The following APBB2 variants were observed in gnomAD, a reference collection of about 807,000 sequenced individuals.
APBB2 encodes amyloid beta precursor protein binding family B member 2, also known as Fe65-like 1.
A neutral mutation model predicts 82.5 loss-of-function variants in APBB2; 38 were observed. That is an observed-to-expected ratio of 0.46 (90% CI 0.36 to 0.60). The LOEUF is 0.60. APBB2 is among the 20% of genes least tolerant of loss of function. The pLI is 0.00. For synonymous variants in APBB2, 341 were observed against 368.2 expected, an observed-to-expected ratio of 0.93 and a Z score of 0.85; for missense variants, 772 against 972.3, an observed-to-expected ratio of 0.79 and a Z score of 2.74.
intron 5 of APBB2, among the ~76,000 whole-genome samples, chr4:41,028,016 T>C (rs1715142796): frequency 6.6e-6 from 1 of 152,264 alleles, no homozygotes; most frequent in South Asian, 2.1e-4. Flanking sequence ...ACTGCTGTCA[T>C]TGCTCTCCTG....
At chr4:41,183,109 C>T (rs1771890658) in intron 1 of APBB2, among the ~76,000 whole-genome samples, 1 of 152,190 alleles carries the variant, frequency 6.6e-6, no homozygotes, top group African/African-American at 2.4e-5. Flanking sequence ...CTTACATTCT[C>T]TTTCTCTCTC....
At chr4:41,058,675 G>A (rs62413772) in intron 4 of APBB2, among the ~76,000 whole-genome samples, 27,641 of 152,226 alleles carry the variant, frequency 0.18, 2,844 homozygotes, top group Non-Finnish European at 0.24. Flanking sequence ...AGAGGGATGT[G>A]CAGAGCACCC....
intron 11 of APBB2, chr4:40,890,789 T>C: frequency 3.9e-6 from 1 of 257,802 alleles, no homozygotes; most frequent in Non-Finnish European, 7.4e-6. Flanking sequence ...AAAAGGCTAA[T>C]TGTGGTTTCC....
At chr4:41,150,088 T>C (rs894396271) in intron 1 of APBB2, among the ~76,000 whole-genome samples, 1 of 152,264 alleles carries the variant, frequency 6.6e-6, no homozygotes, top group East Asian at 1.9e-4. Context: ...GCATCATTTT[T>C]CAACTGTTCC....
At chr4:40,876,279 C>T (rs1252124043) in intron 12 of APBB2, among the ~76,000 whole-genome samples, 2 of 152,126 alleles carry the variant, frequency 1.3e-5, no homozygotes, top group Non-Finnish European at 2.9e-5. Context: ...ACAATATGTA[C>T]CTGTGAAACT....
chr4:40,865,545 G>A (rs983137353), intron 12 of APBB2, among the ~76,000 whole-genome samples: 1 of 152,158 alleles, frequency 6.6e-6, no homozygotes, highest in African/African-American at 2.4e-5. Context: ...ATAAAAAGGG[G>A]GTCCTGTAAT....
intron 3 of APBB2, among the ~76,000 whole-genome samples, chr4:41,077,517 A>G (rs139147366): frequency 2.6e-5 from 4 of 152,298 alleles, no homozygotes; most frequent in African/African-American, 9.6e-5. Flanking sequence ...GTCACATACA[A>G]AGTACATAGA....
At chr4:40,947,562 A>G (rs957241562) in intron 6 of APBB2, among the ~76,000 whole-genome samples, 3 of 152,260 alleles carry the variant, frequency 2.0e-5, no homozygotes, top group African/African-American at 7.2e-5. Flanking sequence ...TTTATCTTCA[A>G]TTAAACCCAC....
intron 1 of APBB2, among the ~76,000 whole-genome samples, chr4:41,189,911 C>T (rs1433754396): frequency 2.0e-5 from 3 of 152,230 alleles, no homozygotes; most frequent in African/African-American, 7.2e-5. Flanking sequence ...TCCTAAGCAC[C>T]TGCACGTTGC....
intron 6 of APBB2, among the ~76,000 whole-genome samples, chr4:40,977,001 A>AT (rs1273592883): frequency 2.0e-5 from 3 of 152,174 alleles, no homozygotes; most frequent in African/African-American, 7.2e-5. Context: ...GTGAGCTATG[A>AT]TTGAGCCACT....
At chr4:41,194,320 T>G in intron 1 of APBB2, among the ~76,000 whole-genome samples, 1 of 152,014 alleles carries the variant, frequency 6.6e-6, no homozygotes, top group Admixed American at 6.5e-5. Context: ...AAACTCTCTC[T>G]CAAAAAAGAA....
chr4:40,872,100 C>T (rs1020713216), intron 12 of APBB2, among the ~76,000 whole-genome samples: 1 of 152,188 alleles, frequency 6.6e-6, no homozygotes, highest in Admixed American at 6.5e-5. Context: ...TGAGCAAAAG[C>T]GCTAAGCATC....
In APBB2 at chr4:41,214,532, C is replaced by CCGGCAACTGAGCATACCAGAACGGGT. The variant is rs1561061502; in HGVS notation, c.-545_-544insACCCGTTCTGGTATGCTCAGTTGCCG. ...GCTTCCTACTTGAGACCAGAACGGG[C>CCGGCAACTGAGCATACCAGAACGGGT]TCCGGCAACTGAGCATGCTCAGTGC... On this transcript the variant is annotated 5_prime_UTR_variant, in exon 1 of 18. The change creates a new upstream start codon in the 5' untranslated region. Transcript: ENST00000508593. 2 of 152,244 alleles carry CCGGCAACTGAGCATACCAGAACGGGT rather than the reference C, an allele frequency of 1.3e-5. No homozygotes were observed. The highest frequency in any genetic ancestry group is 2.9e-5 in the Non-Finnish European group (2 of 68,088). The allele number at this position is 152,244 out of a possible 1,614,324, so 9.4% of individuals were successfully genotyped here.
intron 1 of APBB2, among the ~76,000 whole-genome samples, chr4:41,189,461 T>G (rs971304830): frequency 6.6e-6 from 1 of 152,178 alleles, no homozygotes; most frequent in East Asian, 1.9e-4. Context: ...GCAGTACACC[T>G]AAGATCTGTG....
At chr4:40,831,707 G>A (rs1275047505) in intron 12 of APBB2, among the ~76,000 whole-genome samples, 1 of 152,156 alleles carries the variant, frequency 6.6e-6, no homozygotes, top group Non-Finnish European at 1.5e-5. Flanking sequence ...AGAACACAAA[G>A]AGACACCATG....
At chr4:40,816,633 G>A (rs1323231453) in intron 17 of APBB2, among the ~76,000 whole-genome samples, 11 of 152,154 alleles carry the variant, frequency 7.2e-5, no homozygotes, top group Non-Finnish European at 1.6e-4. Flanking sequence ...AGGTGCTCAT[G>A]GTACACTGAC....
intron 7 of APBB2, chr4:40,935,549 C>T (rs189913422): frequency 1.4e-4 from 22 of 157,718 alleles, no homozygotes; most frequent in Admixed American, 1.9e-4. Context: ...GGACGGGTAC[C>T]GTGTTTGTTT....
rs994482762 is a variant in APBB2 at position 40,811,568 on chromosome 4, G to A, written c.*4524C>T. 5 of 151,374 alleles carry A rather than the reference G, an allele frequency of 3.3e-5. No individual in the cohort carries two copies. Among genetic ancestry groups the A allele is most frequent in the African/African-American group, 1.2e-4 (5 of 41,106 alleles). 9.4% of individuals were successfully genotyped at this position (151,374 alleles called of 1,614,324 possible). On this transcript the variant is annotated 3_prime_UTR_variant, in exon 18 of 18. Coordinates refer to ENST00000508593, the MANE Select transcript of APBB2 (RefSeq NM_004307.2). ...AAGAAAAAAAAAAAAAGCAATATGAGGGAATTCTAATGAAGGAGAATATTG... is the reference window on the plus strand; with the variant it reads ...AAGAAAAAAAAAAAAAGCAATATGAAGGAATTCTAATGAAGGAGAATATTG...
At chr4:40,860,718 C>T (rs1392673773) in intron 12 of APBB2, among the ~76,000 whole-genome samples, 1 of 152,174 alleles carries the variant, frequency 6.6e-6, no homozygotes, top group African/African-American at 2.4e-5. Flanking sequence ...GCAGTAAGCA[C>T]ATTTCCTGAC....
Sources: gnomAD v4.1 joint callset for allele counts (sites outside exome capture counted in the v4.1 genomes callset) on GRCh38, gnomAD v4.1.1 for gene constraint, MANE v1.5 for transcripts, NCBI Gene and HGNC (gene_info 2026-07-23, HGNC 2026-07-21) for gene names.